The following ZNF473 variants were observed in gnomAD, a reference collection of about 807,000 sequenced individuals.
ZNF473 encodes zinc finger protein 473.
Under a neutral mutation model 11.1 loss-of-function variants are expected in ZNF473, and 4 were observed. That is an observed-to-expected ratio of 0.36 (90% CI 0.18 to 0.82). The LOEUF (loss-of-function observed/expected upper bound fraction) is 0.82. ZNF473 is among the 40% of genes least tolerant of loss of function. The pLI is 0.49. For synonymous variants in ZNF473, 404 were observed against 390.4 expected, an observed-to-expected ratio of 1.03 and a Z score of -0.41; for missense variants, 854 against 1,084.0, an observed-to-expected ratio of 0.79 and a Z score of 2.98.
intron 4 of ZNF473, chr19:50,043,390 G>A (rs1167415473): frequency 5.6e-5 from 8 of 143,500 alleles, no homozygotes; most frequent in Non-Finnish European, 1.0e-4. Context: ...AGCTGAGATC[G>A]TGCAGCACTT....
chr19:50,029,407 A>G (rs949264081), intron 1 of ZNF473, among the ~76,000 whole-genome samples: 2 of 152,210 alleles, frequency 1.3e-5, no homozygotes, highest in South Asian at 2.1e-4. Flanking sequence ...TGGCCTCCCA[A>G]AGTGCTGGGA....
In ZNF473 at chr19:50,047,149, T is replaced by C; in HGVS notation, c.*90T>C. The C allele has an allele frequency of 9.5e-7, 1 of 1,053,160 alleles. No homozygotes were observed. The highest frequency in any genetic ancestry group is 1.4e-6 in the Non-Finnish European group (1 of 739,238). 65.2% of individuals were successfully genotyped at this position (1,053,160 alleles called of 1,614,324 possible). On this transcript the variant is annotated 3_prime_UTR_variant, in exon 5 of 5. Transcript: ENST00000270617. ...ATCCCATTGCAAGTTTCTCTCCAAA[T>C]AAATGCATCTAAAGATTGATTAGAA...
chr19:50,039,211 G>C lies in ZNF473; in HGVS notation c.60G>C (p.Trp20Cys), dbSNP rs750121305. ...DVGMDFTLGD[W>C]EQLGLEQGDT... The stretch of plus-strand genomic sequence containing the variant: ...GCATGGACTTCACCTTGGGAGACTG[G>C]GAGCAGCTCGGGCTGGAACAGGGGG... Residue 20 changes from tryptophan to cysteine, a missense_variant, in exon 3 of 5, where the codon TGG becomes TGC. Transcript: ENST00000270617. The surrounding 1 kb of genome is among the most constrained non-coding windows in gnomAD (Gnocchi z 4.8). 2.2e-5 allele frequency: 35 copies of C among 1,614,026 alleles called. No individual in the cohort carries two copies. In the Middle Eastern group the frequency reaches 6.6e-4, roughly 30 times the overall value.
At chr19:50,043,556 C>T (rs923010124) in intron 4 of ZNF473, 1 of 150,950 alleles carries the variant, frequency 6.6e-6, no homozygotes, top group Non-Finnish European at 1.5e-5. Context: ...AGGAGGTTGT[C>T]GAGTGTAACA....
chr19:50,035,090 A>G (rs1306702545), intron 2 of ZNF473, among the ~76,000 whole-genome samples: 1 of 152,120 alleles, frequency 6.6e-6, no homozygotes. Context: ...TCAGGAGTTC[A>G]AGATCAGCCT....
chr19:50,037,129 T>C (rs956665832), intron 2 of ZNF473, among the ~76,000 whole-genome samples: 5 of 152,132 alleles, frequency 3.3e-5, no homozygotes, highest in South Asian at 4.1e-4. Context: ...GGATGGGCAG[T>C]GTAAGCCAGA....
At chr19:50,029,663 G>A (rs185564621) in intron 1 of ZNF473, among the ~76,000 whole-genome samples, 1 of 152,354 alleles carries the variant, frequency 6.6e-6, no homozygotes, top group African/African-American at 2.4e-5. Context: ...GGGTAAAAAT[G>A]TCTGTGGTAC....
Position 50,039,797 on chromosome 19 carries a change from C to T in ZNF473, c.136+510C>T, listed in dbSNP as rs1311964608. 2.6e-5 allele frequency among the ~76,000 whole-genome samples: 4 copies of T among 152,354 alleles called. No homozygotes were observed. In the South Asian group the frequency reaches 6.2e-4, roughly 24 times the overall value. On this transcript the variant is annotated intron_variant, in intron 3 of 4. Coordinates refer to ENST00000270617, the MANE Select transcript of ZNF473 (RefSeq NM_015428.4). This position sits in a 1 kb window ranked among gnomAD's most constrained non-coding sequence, Gnocchi z 4.8. ...AGAACTCCATACCTCCTCTCCTACT[C>T]ATCTTGTCTGTCGCTCCCTCACGTT...
chr19:50,027,300 G>A (rs141668190), intron 1 of ZNF473, among the ~76,000 whole-genome samples: 5 of 152,150 alleles, frequency 3.3e-5, no homozygotes, highest in South Asian at 4.2e-4. Flanking sequence ...GAAGTTTTGC[G>A]GTCAGTTTAT....
rs1417744078 is a variant in ZNF473 at position 50,046,411 on chromosome 19, C to T, written c.1968C>T (p.Ser656=). 1 of 1,614,192 alleles carries T rather than the reference C, an allele frequency of 6.2e-7. No individual in the cohort carries two copies. Among genetic ancestry groups the T allele is most frequent in the South Asian group, 1.1e-5 (1 of 91,074 alleles). The change falls in exon 5 of 5, where the codon AGC becomes AGT. Residue 656 remains serine (S), a synonymous_variant. Transcript: ENST00000270617. This position sits in a 1 kb window ranked among gnomAD's most constrained non-coding sequence, Gnocchi z 5.9. The stretch of plus-strand genomic sequence containing the variant: ...GTAACGAATGCGGAAAGACCTTCAG[C>T]CACAGTGCACACCTCTCAAAACATC... ...FKCNECGKTF[S]HSAHLSKHQL... is the part of the protein sequence containing the mutation.
intron 2 of ZNF473, among the ~76,000 whole-genome samples, chr19:50,032,122 C>T (rs2077321513): frequency 6.7e-6 from 1 of 149,840 alleles, no homozygotes; most frequent in Non-Finnish European, 1.5e-5. Context: ...TTGTCACTTT[C>T]CTGTGGCTCC....
At chr19:50,031,222 TCCTTTGTTTTGGCCTC>T (rs2077316405) in intron 2 of ZNF473, 131 bp downstream of exon 2, 1 of 1,289,600 alleles carries the variant, frequency 7.8e-7, no homozygotes, top group Non-Finnish European at 1.1e-6. Context: ...AAGCTGGCCT[TCCTTTGTTTTGGCCTC>T]CCTGTCCCAT....
chr19:50,043,910 A>G (rs922878776), intron 4 of ZNF473, among the ~76,000 whole-genome samples: 1 of 152,112 alleles, frequency 6.6e-6, no homozygotes, highest in Non-Finnish European at 1.5e-5. Flanking sequence ...AGCATGAGGG[A>G]CCATTAAAGG....
chr19:50,037,208 T>A (rs1374629729), intron 2 of ZNF473, among the ~76,000 whole-genome samples: 1 of 152,180 alleles, frequency 6.6e-6, no homozygotes, highest in Non-Finnish European at 1.5e-5. Flanking sequence ...CAGCAGTATT[T>A]CAGTTGCTTC....
chr19:50,037,391 AT>A (rs1978508393), intron 2 of ZNF473, among the ~76,000 whole-genome samples: 1 of 152,184 alleles, frequency 6.6e-6, no homozygotes, highest in African/African-American at 2.4e-5. Flanking sequence ...CTTTCTTAAA[AT>A]GTGCCTGTGC....
intron 1 of ZNF473, among the ~76,000 whole-genome samples, chr19:50,027,874 T>TA (rs1312793050): frequency 6.6e-6 from 1 of 152,134 alleles, no homozygotes; most frequent in Non-Finnish European, 1.5e-5. Flanking sequence ...TTTTGGTAGA[T>TA]ACGGGGGTTT....
intron 2 of ZNF473, 40 bp downstream of exon 2, chr19:50,031,131 A>G (rs1168256468): frequency 6.4e-7 from 1 of 1,558,940 alleles, no homozygotes; most frequent in African/African-American, 1.4e-5. Context: ...GTCACACCCA[A>G]AGGCAGAAAA....
Position 50,046,290 on chromosome 19 carries a change from T to C in ZNF473, c.1847T>C (p.Val616Ala). 1 of 1,613,850 alleles carries C rather than the reference T, an allele frequency of 6.2e-7. No individual in the cohort carries two copies. Among genetic ancestry groups the C allele is most frequent in the Non-Finnish European group, 8.5e-7 (1 of 1,179,928 alleles). The change falls in exon 5 of 5, where the codon GTG (valine) becomes GCG (alanine). Residue 616 changes from valine to alanine, a missense_variant. By Grantham distance (64) the Val-to-Ala change is moderately conservative (BLOSUM62 0). Transcript: ENST00000270617. This position sits in a 1 kb window ranked among gnomAD's most constrained non-coding sequence, Gnocchi z 5.9. Reference sequence around the variant, plus strand: ...CACCATCAAAGAATCCACTCTAGAGTGAGGCTGTATAAATGGGGTGAGCAA... The same window carrying C: ...CACCATCAAAGAATCCACTCTAGAGCGAGGCTGTATAAATGGGGTGAGCAA... ...LIHHQRIHSR[V>A]RLYKWGEQGK...
intron 2 of ZNF473, among the ~76,000 whole-genome samples, chr19:50,032,534 C>G (rs1290308695): frequency 6.6e-6 from 1 of 152,150 alleles, no homozygotes; most frequent in African/African-American, 2.4e-5. Context: ...AGTATTTACT[C>G]TGTGCCTGTC....
Sources: allele counts gnomAD v4.1 joint callset (sites outside exome capture counted in the v4.1 genomes callset), GRCh38; gene constraint gnomAD v4.1.1; non-coding constraint Gnocchi (gnomAD v3.1); transcripts MANE v1.5; gene names NCBI Gene and HGNC (gene_info 2026-07-23, HGNC 2026-07-21).